Variants in TSPAN14 observed in about 807,000 individuals in gnomAD.
The protein encoded by TSPAN14 is tetraspanin-14.
TSPAN14 carries 16 observed loss-of-function variants against 36.6 expected under a neutral mutation model. The ratio of observed to expected loss-of-function variants is 0.44; its 90% CI spans 0.30 to 0.66. The LOEUF is 0.66. TSPAN14 is among the 30% of genes least tolerant of loss of function. The probability of loss-of-function intolerance (pLI) is 0.12; values close to 1 mark genes in which losing one functional copy is unlikely to be tolerated. For missense variants in TSPAN14, 231 were observed against 355.1 expected, an observed-to-expected ratio of 0.65 and a Z score of 2.81; for synonymous variants, 139 against 143.8, an observed-to-expected ratio of 0.97 and a Z score of 0.24.
At chr10:80,467,662 C>T (rs1260843988) in intron 1 of TSPAN14, among the ~76,000 whole-genome samples, 2 of 152,276 alleles carry the variant, frequency 1.3e-5, no homozygotes, top group South Asian at 2.1e-4. Context: ...TAACAAAGAG[C>T]CCCTCTTTTC....
At chr10:80,455,409 C>T (rs1028251734) in intron 1 of TSPAN14, among the ~76,000 whole-genome samples, 4 of 152,020 alleles carry the variant, frequency 2.6e-5, no homozygotes, top group African/African-American at 9.7e-5. Context: ...TGTATTGGAG[C>T]CTCTGCAGGT....
chr10:80,461,413 A>G (rs1845960846), intron 1 of TSPAN14, among the ~76,000 whole-genome samples: 1 of 152,132 alleles, frequency 6.6e-6, no homozygotes, highest in South Asian at 2.1e-4. Flanking sequence ...CCTGCCTACC[A>G]CAGTCATTGT....
chr10:80,500,172 G>A (rs1848416993), intron 2 of TSPAN14, among the ~76,000 whole-genome samples: 1 of 152,106 alleles, frequency 6.6e-6, no homozygotes, highest in South Asian at 2.1e-4. Flanking sequence ...AACCAGGTTT[G>A]TTGGTACTCA....
intron 4 of TSPAN14, among the ~76,000 whole-genome samples, chr10:80,507,825 G>C (rs1469524865): frequency 6.6e-6 from 1 of 152,176 alleles, no homozygotes; most frequent in East Asian, 1.9e-4. Context: ...AGATTACTAA[G>C]AGTTTAGTTT....
intron 2 of TSPAN14, among the ~76,000 whole-genome samples, chr10:80,497,682 G>A (rs1377827121): frequency 6.6e-6 from 1 of 152,132 alleles, no homozygotes; most frequent in Non-Finnish European, 1.5e-5. Context: ...TGCTCCCTCC[G>A]CCTGCCTTCA....
chr10:80,508,247 C>G (rs1840410459), intron 4 of TSPAN14, among the ~76,000 whole-genome samples: 1 of 151,856 alleles, frequency 6.6e-6, no homozygotes, highest in Admixed American at 6.6e-5. Flanking sequence ...TCCCGAGTAG[C>G]TGGGACTACA....
At chr10:80,472,942 C>T (rs1009135147) in intron 1 of TSPAN14, among the ~76,000 whole-genome samples, 1 of 152,134 alleles carries the variant, frequency 6.6e-6, no homozygotes, top group Admixed American at 6.5e-5. Context: ...GGAGGCAGCT[C>T]CTGAGCCGTT....
chr10:80,468,595 C>T (rs1661594831), intron 1 of TSPAN14: 1 of 152,142 alleles, frequency 6.6e-6, no homozygotes, highest in East Asian at 1.9e-4. Context: ...TGCTGATGGG[C>T]AGCATGAGCA....
chr10:80,503,064 G>C (rs904701011), intron 2 of TSPAN14, among the ~76,000 whole-genome samples: 1 of 151,942 alleles, frequency 6.6e-6, no homozygotes, highest in Admixed American at 6.6e-5. Flanking sequence ...GAAAAGTCTT[G>C]GCCTCCAGCT....
intron 3 of TSPAN14, among the ~76,000 whole-genome samples, chr10:80,506,823 A>G (rs1840330312): frequency 6.6e-6 from 1 of 152,222 alleles, no homozygotes; most frequent in Non-Finnish European, 1.5e-5. Flanking sequence ...GGCTGTTTTC[A>G]TCTCAGAAGA....
At chr10:80,511,179 A>G (rs1840598470) in intron 5 of TSPAN14, among the ~76,000 whole-genome samples, 1 of 152,130 alleles carries the variant, frequency 6.6e-6, no homozygotes. Flanking sequence ...CAGTGTTTGG[A>G]TTTTACACAC....
exon 9 of TSPAN14, chr10:80,520,939 T>A (rs553670236): frequency 2.2e-6 from 1 of 447,308 alleles, no homozygotes; most frequent in Admixed American, 2.4e-5. Flanking sequence ...GCAGCTGTCC[T>A]CACCAGCCTC....
intron 1 of TSPAN14, among the ~76,000 whole-genome samples, chr10:80,482,785 G>T (rs1325618088): frequency 7.0e-6 from 1 of 143,708 alleles, no homozygotes; most frequent in African/African-American, 2.6e-5. Context: ...GCCCAGGCTG[G>T]AGTGCAATGG....
In TSPAN14 at chr10:80,509,724, C is replaced by T; in HGVS notation, c.450+253C>T. ...CAGCTGTACCCGAGGCCACCCACCC[C>T]CCACGTGCCCGGCCCTCCTCTTTCG... is the stretch of plus-strand genomic sequence containing the variant. On this transcript the variant is annotated intron_variant, in intron 5 of 8. Transcript: ENST00000429989. This position sits in a 1 kb window ranked among gnomAD's most constrained non-coding sequence, Gnocchi z 4.7. The T allele has an allele frequency of 2.1e-6, 1 of 485,044 alleles. No homozygotes were observed. The highest frequency in any genetic ancestry group is 3.7e-6 in the Non-Finnish European group (1 of 269,472). 30.0% of individuals were successfully genotyped at this position (485,044 alleles called of 1,614,324 possible). A position where few individuals can be genotyped will look rare whatever the true frequency, so the allele number is the denominator to read the frequency against.
chr10:80,499,566 G>T (rs1848380992), intron 2 of TSPAN14, among the ~76,000 whole-genome samples: 1 of 152,186 alleles, frequency 6.6e-6, no homozygotes, highest in South Asian at 2.1e-4. Context: ...TGCTCTGTGG[G>T]TGGTAAGATA....
At chr10:80,494,498 A>G (rs1004786058) in intron 2 of TSPAN14, among the ~76,000 whole-genome samples, 2 of 152,188 alleles carry the variant, frequency 1.3e-5, no homozygotes, top group African/African-American at 4.8e-5. Context: ...TGGAAAGATC[A>G]ACTCTCTTCC....
intron 2 of TSPAN14, among the ~76,000 whole-genome samples, chr10:80,493,770 T>A (rs1170288428): frequency 6.6e-6 from 1 of 152,146 alleles, no homozygotes; most frequent in Non-Finnish European, 1.5e-5. Context: ...GAGTTGTTGG[T>A]TAGTGGGTAC....
At chr10:80,467,456 G>T (rs1237664548) in intron 1 of TSPAN14, among the ~76,000 whole-genome samples, 1 of 152,200 alleles carries the variant, frequency 6.6e-6, no homozygotes, top group Non-Finnish European at 1.5e-5. Flanking sequence ...GGTGACCTTG[G>T]TGGGTCACTT....
chr10:80,506,486 C>G (rs564638127), intron 3 of TSPAN14, among the ~76,000 whole-genome samples: 2 of 152,294 alleles, frequency 1.3e-5, no homozygotes, highest in Admixed American at 1.3e-4. Flanking sequence ...TCTCTCCGGT[C>G]CCTTAGTTCA....
Sources: gnomAD v4.1 joint callset for allele counts (sites outside exome capture counted in the v4.1 genomes callset) on GRCh38, gnomAD v4.1.1 for gene constraint, Gnocchi (gnomAD v3.1) non-coding constraint, MANE v1.5 for transcripts, NCBI Gene and HGNC (gene_info 2026-07-23, HGNC 2026-07-21) for gene names.